MROH9: variants seen among roughly 807,000 people sequenced by gnomAD.
MROH9 encodes the protein maestro heat-like repeat-containing protein family member 9.
Under a neutral mutation model 98.2 loss-of-function variants are expected in MROH9, and 92 were observed. The ratio of observed to expected loss-of-function variants is 0.94; its 90% CI spans 0.79 to 1.11. The LOEUF (loss-of-function observed/expected upper bound fraction) is 1.11. MROH9 is among the 50% of genes most tolerant of loss of function. MROH9 has a pLI of 0.00. For missense variants in MROH9, 1,057 were observed against 1,014.8 expected, an observed-to-expected ratio of 1.04 and a Z score of -0.57; for synonymous variants, 397 against 368.9, an observed-to-expected ratio of 1.08 and a Z score of -0.87.
At chr1:171,027,095 C>CAA (rs895218447) in intron 20 of MROH9, among the ~76,000 whole-genome samples, 1 of 150,136 alleles carries the variant, frequency 6.7e-6, no homozygotes, top group South Asian at 2.1e-4. Flanking sequence ...TTCCTTCTTC[C>CAA]AAAAAAAAAT....
chr1:170,999,396 T>A (rs1162617630), intron 15 of MROH9, among the ~76,000 whole-genome samples: 2 of 152,124 alleles, frequency 1.3e-5, no homozygotes, highest in Non-Finnish European at 2.9e-5. Flanking sequence ...CTCTCACATA[T>A]CACAGAGAAC....
At position 171,064,406 on chromosome 1, in the gene MROH9, C is replaced by T; in HGVS notation, c.*66C>T. ...AAGTCCAACAATGTCTTGGAGCTGA[C>T]CTTAGAAGAAGAATGATTTTTCTTT... is the stretch of plus-strand genomic sequence containing the variant. On this transcript the variant is annotated 3_prime_UTR_variant, in exon 22 of 22. Coordinates refer to ENST00000367759, the MANE Select transcript of MROH9 (RefSeq NM_001163629.2). The T allele has an allele frequency of 1.4e-6, 2 of 1,412,584 alleles. No homozygotes were observed. Among genetic ancestry groups the T allele is most frequent in the African/African-American group, 1.5e-5 (1 of 68,402 alleles). 87.5% of individuals were successfully genotyped at this position (1,412,584 alleles called of 1,614,324 possible).
chr1:171,034,556 G>T (rs541254752), intron 20 of MROH9, among the ~76,000 whole-genome samples: 1 of 152,310 alleles, frequency 6.6e-6, no homozygotes, highest in African/African-American at 2.4e-5. Context: ...GCAGAGGTAT[G>T]CTTAATATTC....
intron 15 of MROH9, among the ~76,000 whole-genome samples, chr1:171,010,454 T>C (rs547483317): frequency 1.3e-5 from 2 of 152,328 alleles, no homozygotes; most frequent in South Asian, 2.1e-4. Flanking sequence ...ATATACCTAG[T>C]AATGGGATTG....
chr1:171,057,711 C>T (rs1472643872), intron 20 of MROH9, among the ~76,000 whole-genome samples: 1 of 152,018 alleles, frequency 6.6e-6, no homozygotes, highest in African/African-American at 2.4e-5. Context: ...TTAAGGGCAG[C>T]CAGAGAGAAA....
chr1:171,030,336 G>A (rs1652866758), intron 20 of MROH9, among the ~76,000 whole-genome samples: 1 of 151,856 alleles, frequency 6.6e-6, no homozygotes, highest in South Asian at 2.1e-4. Context: ...CTAGCTTTTG[G>A]ATTAGTTTGT....
Position 171,031,848 on chromosome 1 carries a change from C to G in MROH9, c.2281+6428C>G, listed in dbSNP as rs138815896. 2.2e-3 allele frequency among the ~76,000 whole-genome samples: 334 copies of G among 152,314 alleles called. 1 individual carries two copies. Among genetic ancestry groups the G allele is most frequent in the African/African-American group, 7.5e-3 (310 of 41,572 alleles). ...TGTCTTGCTAGGTTGGGAAAGTCCT[C>G]CCGGATAATATCCTGAAGTGTGTTT... On this transcript the variant is annotated intron_variant, in intron 20 of 21. Transcript: ENST00000367759.
At chr1:171,045,082 AG>A (rs1167673842) in intron 20 of MROH9, among the ~76,000 whole-genome samples, 7 of 135,252 alleles carry the variant, frequency 5.2e-5, no homozygotes, top group Non-Finnish European at 1.1e-4. Context: ...GCTCACTGCA[AG>A]CTCCACCTCC....
chr1:170,998,560 C>G (rs1446898179), intron 15 of MROH9: 1 of 1,387,644 alleles, frequency 7.2e-7, no homozygotes, highest in East Asian at 2.7e-5. Context: ...TATATTTCTG[C>G]ATGATTGTTA....
intron 20 of MROH9, among the ~76,000 whole-genome samples, chr1:171,025,991 T>C (rs189634051): frequency 6.6e-5 from 10 of 152,332 alleles, no homozygotes; most frequent in Admixed American, 1.3e-4. Flanking sequence ...AGCTTAGTAG[T>C]GAGTCTCCAA....
intron 20 of MROH9, among the ~76,000 whole-genome samples, chr1:171,050,801 G>A (rs928682966): frequency 6.6e-6 from 1 of 152,234 alleles, no homozygotes; most frequent in Admixed American, 6.5e-5. Flanking sequence ...TTGGTTGTGG[G>A]TTTGTCACAT....
intron 15 of MROH9, among the ~76,000 whole-genome samples, chr1:171,013,150 T>G (rs904408519): frequency 6.6e-6 from 1 of 152,124 alleles, no homozygotes; most frequent in Non-Finnish European, 1.5e-5. Context: ...TAAATCTAAA[T>G]ATCACTCTTC....
At chr1:170,982,217 A>T (rs573179322) in intron 8 of MROH9, among the ~76,000 whole-genome samples, 78 of 152,232 alleles carry the variant, frequency 5.1e-4, no homozygotes, top group Non-Finnish European at 1.1e-3. Flanking sequence ...AAGCAAATAG[A>T]TAAAGAGATT....
chr1:171,050,933 T>A (rs1373801277), intron 20 of MROH9, among the ~76,000 whole-genome samples: 1 of 152,202 alleles, frequency 6.6e-6, no homozygotes. Context: ...TTGTTTTTGG[T>A]TTTGTTTATG....
At chr1:171,011,039 T>C (rs1652139090) in intron 15 of MROH9, among the ~76,000 whole-genome samples, 1 of 152,210 alleles carries the variant, frequency 6.6e-6, no homozygotes, top group Non-Finnish European at 1.5e-5. Flanking sequence ...CTGAATGGTG[T>C]TGCCTAGGTT....
intron 3 of MROH9, among the ~76,000 whole-genome samples, chr1:170,954,065 C>G (rs1649669269): frequency 6.6e-6 from 1 of 151,984 alleles, no homozygotes; most frequent in Non-Finnish European, 1.5e-5. Context: ...GTCTGATTCT[C>G]TAGTCTTTGT....
At chr1:171,055,828 T>C (rs570352944) in intron 20 of MROH9, among the ~76,000 whole-genome samples, 1 of 152,258 alleles carries the variant, frequency 6.6e-6, no homozygotes, top group South Asian at 2.1e-4. Flanking sequence ...TCATCAGAAC[T>C]GACCAGGCAG....
At chr1:171,004,569 T>C (rs990735195) in intron 15 of MROH9, among the ~76,000 whole-genome samples, 1 of 152,218 alleles carries the variant, frequency 6.6e-6, no homozygotes, top group Non-Finnish European at 1.5e-5. Flanking sequence ...TCTCCCTTTC[T>C]CACTTCCGCG....
intron 7 of MROH9, among the ~76,000 whole-genome samples, chr1:170,969,984 T>C (rs1650378682): frequency 6.6e-6 from 1 of 152,134 alleles, no homozygotes; most frequent in South Asian, 2.1e-4. Flanking sequence ...TCAGCCTACC[T>C]TGGGTCATGT....
Sources: allele counts gnomAD v4.1 joint callset (sites outside exome capture counted in the v4.1 genomes callset), GRCh38; gene constraint gnomAD v4.1.1; transcripts MANE v1.5; gene names NCBI Gene and HGNC (gene_info 2026-07-23, HGNC 2026-07-21).